Variants in SLC17A6 observed in about 807,000 individuals in gnomAD.
SLC17A6 encodes the protein solute carrier family 17 member 6.
SLC17A6 carries 35 observed loss-of-function variants against 67.1 expected under a neutral mutation model. The ratio of observed to expected loss-of-function variants is 0.52; its 90% CI spans 0.40 to 0.69. The LOEUF is 0.69. Ranked by LOEUF, SLC17A6 falls within the 30% of genes least tolerant of loss-of-function variation. SLC17A6 has a pLI of 0.00. For missense variants in SLC17A6, 588 were observed against 723.9 expected, an observed-to-expected ratio of 0.81 and a Z score of 2.15; for synonymous variants, 285 against 252.3, an observed-to-expected ratio of 1.13 and a Z score of -1.23.
chr11:22,341,029 G>C lies in SLC17A6; in HGVS notation c.87-499G>C, dbSNP rs79185143. Among the ~76,000 whole-genome samples the C allele has an allele frequency of 4.2e-3, 641 of 152,314 alleles. 8 individuals are homozygous for C. The highest frequency in any genetic ancestry group is 0.015 in the African/African-American group (621 of 41,578). The stretch of plus-strand genomic sequence containing the variant: ...GGAAAAGGCAGCGCGGGTGGGAAAG[G>C]CTCTCTAGTTGGGCCCGCCTGCAGC... On this transcript the variant is annotated intron_variant, in intron 1 of 11. Transcript: ENST00000263160.
In SLC17A6 at chr11:22,339,077, G is replaced by A. The variant is rs956182986; in HGVS notation, c.86+458G>A. 1.9e-3 allele frequency among the ~76,000 whole-genome samples: 147 copies of A among 79,022 alleles called. 1 individual carries two copies. Among genetic ancestry groups the A allele is most frequent in the Non-Finnish European group, 3.1e-3 (108 of 35,252 alleles). 51.8% of individuals were successfully genotyped at this position (79,022 alleles called of 152,430 possible). A position where few individuals can be genotyped will look rare whatever the true frequency, so the allele number is the denominator to read the frequency against. On this transcript the variant is annotated intron_variant, in intron 1 of 11. Transcript: ENST00000263160. ...AGTAATGGTTTATATATATATATAT[G>A]TTATATATATATGTTATATATATAT...
chr11:22,365,766 G>A (rs1856105194), intron 7 of SLC17A6, 77 bp downstream of exon 7: 1 of 1,466,230 alleles, frequency 6.8e-7, no homozygotes, highest in African/African-American at 1.4e-5. Context: ...TATCTTACAA[G>A]TTCTTCCTCA....
rs1348938175 is a variant in SLC17A6, at chr11:22,379,334, A to G, written c.*1594A>G. The stretch of plus-strand genomic sequence containing the variant: ...ATAAAACATAAAGTTTGTTTAAAAA[A>G]ATGCAAATCATTCTTTACCTTAAGA... On this transcript the variant is annotated 3_prime_UTR_variant, in exon 12 of 12. Coordinates refer to ENST00000263160, the MANE Select transcript of SLC17A6 (RefSeq NM_020346.3). 3 of 152,518 alleles carry G rather than the reference A, an allele frequency of 2.0e-5. No individual in the cohort carries two copies. Among genetic ancestry groups the G allele is most frequent in the Non-Finnish European group, 2.9e-5 (2 of 67,992 alleles). 9.4% of individuals were successfully genotyped at this position (152,518 alleles called of 1,614,324 possible). A position where few individuals can be genotyped will look rare whatever the true frequency, so the allele number is the denominator to read the frequency against.
At chr11:22,362,491 C>T (rs1024641803) in intron 5 of SLC17A6, among the ~76,000 whole-genome samples, 1 of 152,104 alleles carries the variant, frequency 6.6e-6, no homozygotes, top group Non-Finnish European at 1.5e-5. Flanking sequence ...CAGCATGTCT[C>T]CATTATTATT....
Position 22,374,743 on chromosome 11 carries a change from G to A in SLC17A6, c.1042-12G>A. ...GTTATGTCTATTTCTCTCCCTTCTTGTTTTTCATCAGGTTGGTATGCTATC... is the reference window on the plus strand; with the variant it reads ...GTTATGTCTATTTCTCTCCCTTCTTATTTTTCATCAGGTTGGTATGCTATC... On this transcript the variant is annotated splice_polypyrimidine_tract_variant and intron_variant, in intron 8 of 11. Transcript: ENST00000263160. The A allele has an allele frequency of 6.3e-7, 1 of 1,576,952 alleles. No individual in the cohort carries two copies. The highest frequency in any genetic ancestry group is 8.6e-7 in the Non-Finnish European group (1 of 1,163,738).
chr11:22,341,199 C>A (rs778892358), intron 1 of SLC17A6, among the ~76,000 whole-genome samples: 4 of 152,212 alleles, frequency 2.6e-5, no homozygotes, highest in African/African-American at 7.2e-5. Context: ...GCAGACCCTG[C>A]AGATCCTGCA....
chr11:22,354,329 C>G (rs946993759), intron 3 of SLC17A6, among the ~76,000 whole-genome samples: 2 of 152,162 alleles, frequency 1.3e-5, no homozygotes, highest in African/African-American at 4.8e-5. Flanking sequence ...GGCGATCCAC[C>G]CACCTCGGCC....
rs371896528 is a variant in SLC17A6, at chr11:22,377,702, G to A, written c.1711G>A (p.Asp571Asn). The A allele has an allele frequency of 5.6e-6, 9 of 1,606,438 alleles. No individual in the cohort carries two copies. Among genetic ancestry groups the A allele is most frequent in the African/African-American group, 5.4e-5 (4 of 74,370 alleles). ...KEEFVQGEVQ[D>N]SHSYKDRVDY... ...GGAATTTGTACAAGGAGAAGTACAA[G>A]ACTCACATAGCTATAAGGACCGAGT... The change falls in exon 12 of 12, where the codon GAC becomes AAC. Residue 571 changes from aspartate to asparagine, a missense_variant. Physicochemically the swap from Asp to Asn is conservative, Grantham distance 23. Around this residue, in one of 4 missense-constraint regions of SLC17A6, gnomAD observed 414 missense variants for 563.4 expected, o/e 0.73. Coordinates refer to ENST00000263160, the MANE Select transcript of SLC17A6 (RefSeq NM_020346.3).
At position 22,342,317 on chromosome 11, in the gene SLC17A6, A is replaced by T. The variant is rs563501341; in HGVS notation, c.339+537A>T. Among the ~76,000 whole-genome samples, 429 of 152,074 alleles carry T rather than the reference A, an allele frequency of 2.8e-3. 3 individuals carry two copies. The highest frequency in any genetic ancestry group is 9.7e-3 in the African/African-American group (404 of 41,484). On this transcript the variant is annotated intron_variant, in intron 2 of 11. Transcript: ENST00000263160. ...GGGTGGCAGGGAGTCGCGCCCAGAG[A>T]GGGGAGGGTCACGTCAAGGTCACAG...
intron 3 of SLC17A6, among the ~76,000 whole-genome samples, chr11:22,344,171 T>A (rs1370073116): frequency 6.6e-6 from 1 of 152,188 alleles, no homozygotes; most frequent in Non-Finnish European, 1.5e-5. Context: ...GTCTGAATTG[T>A]TGAACCCACA....
At position 22,343,374 on chromosome 11, in the gene SLC17A6, C is replaced by T; in HGVS notation, c.458+9C>T. 1 of 1,600,888 alleles carries T rather than the reference C, an allele frequency of 6.2e-7. No individual in the cohort carries two copies. The highest frequency in any genetic ancestry group is 8.5e-7 in the Non-Finnish European group (1 of 1,174,054). On this transcript the variant is annotated intron_variant, in intron 3 of 11. Coordinates refer to ENST00000263160, the MANE Select transcript of SLC17A6 (RefSeq NM_020346.3). Reference sequence around the variant, plus strand: ...CGGCTGGCAGCCAACAGGTAATGCGCCAGGCGGGACTGGGGCTCGGGGCGT... The same window carrying T: ...CGGCTGGCAGCCAACAGGTAATGCGTCAGGCGGGACTGGGGCTCGGGGCGT...
intron 3 of SLC17A6, among the ~76,000 whole-genome samples, chr11:22,343,919 T>C (rs951880140): frequency 4.1e-4 from 63 of 152,032 alleles, no homozygotes; most frequent in African/African-American, 1.2e-3. Context: ...GGGGCGGGCG[T>C]TGGGGGAGCC....
At chr11:22,368,142 T>A (rs1856134007) in intron 7 of SLC17A6, among the ~76,000 whole-genome samples, 1 of 152,100 alleles carries the variant, frequency 6.6e-6, no homozygotes, top group Admixed American at 6.5e-5. Context: ...AAAATGATAT[T>A]CTCCCTCACT....
chr11:22,367,753 C>T (rs930708372), intron 7 of SLC17A6, among the ~76,000 whole-genome samples: 1 of 152,048 alleles, frequency 6.6e-6, no homozygotes, highest in African/African-American at 2.4e-5. Flanking sequence ...CTACAAATGA[C>T]CCCAGAAAGA....
Position 22,377,633 on chromosome 11 carries a change from A to C in SLC17A6, c.1642A>C (p.Thr548Pro). ...TACCACCAAGTCTTATGGTGCCACA[A>C]CACAGGCCAATGGAGGTTGGCCTAG... Reference protein sequence around the residue: ...YGTTKSYGATTQANGGWPSGW... With the variant: ...YGTTKSYGATPQANGGWPSGW... The change falls in exon 12 of 12, where the codon ACA becomes CCA. Residue 548 changes from threonine (T) to proline (P), a missense_variant. Coordinates refer to ENST00000263160, the MANE Select transcript of SLC17A6 (RefSeq NM_020346.3). 1 of 1,614,164 alleles carries C rather than the reference A, an allele frequency of 6.2e-7. No individual in the cohort carries two copies. Among genetic ancestry groups the C allele is most frequent in the Non-Finnish European group, 8.5e-7 (1 of 1,180,000 alleles).
intron 3 of SLC17A6, among the ~76,000 whole-genome samples, chr11:22,352,122 G>A (rs1233778824): frequency 6.9e-6 from 1 of 145,102 alleles, no homozygotes; most frequent in Non-Finnish European, 1.5e-5. Flanking sequence ...TGAAAGCAGA[G>A]CTTCAGAGAC....
At chr11:22,368,617 G>A (rs1856139270) in intron 7 of SLC17A6, among the ~76,000 whole-genome samples, 1 of 151,944 alleles carries the variant, frequency 6.6e-6, no homozygotes, top group African/African-American at 2.4e-5. Context: ...ATGAATGAAA[G>A]GATCTTTGCC....
chr11:22,377,706 C>T lies in SLC17A6; in HGVS notation c.1715C>T (p.Ser572Leu), dbSNP rs1856247678. ...EEFVQGEVQD[S>L]HSYKDRVDYS ...TTTGTACAAGGAGAAGTACAAGACT[C>T]ACATAGCTATAAGGACCGAGTTGAT... The change falls in exon 12 of 12, where the codon TCA (serine) becomes TTA (leucine). Residue 572 changes from serine (S) to leucine (L), a missense_variant. By Grantham distance (145) the Ser-to-Leu change is moderately radical (BLOSUM62 -2). Transcript: ENST00000263160. The T allele has an allele frequency of 1.2e-6, 2 of 1,603,500 alleles. No homozygotes were observed. The highest frequency in any genetic ancestry group is 1.7e-6 in the Non-Finnish European group (2 of 1,175,628).
chr11:22,371,561 T>C (rs1156881125), intron 8 of SLC17A6, among the ~76,000 whole-genome samples: 1 of 151,428 alleles, frequency 6.6e-6, no homozygotes, highest in African/African-American at 2.4e-5. Flanking sequence ...TTTCATAATC[T>C]AGGACAAATA....
Sources: allele counts gnomAD v4.1 joint callset (sites outside exome capture counted in the v4.1 genomes callset), GRCh38; gene constraint gnomAD v4.1.1; regional missense constraint gnomAD v4.1.1; transcripts MANE v1.5; gene names NCBI Gene and HGNC (gene_info 2026-07-23, HGNC 2026-07-21).